Variants in IQCB1 observed in about 807,000 individuals in gnomAD.
IQCB1 encodes IQ motif containing B1.
Under a neutral mutation model 84.4 loss-of-function variants are expected in IQCB1, and 56 were observed. The ratio of observed to expected loss-of-function variants is 0.66; its 90% CI spans 0.54 to 0.83. The LOEUF (loss-of-function observed/expected upper bound fraction) is 0.83, where lower values mean the gene tolerates loss of function less well. Among genes scored for constraint, IQCB1 ranks in the 40% least tolerant of loss-of-function variants. The probability of loss-of-function intolerance (pLI) is 0.00; values close to 1 mark genes in which losing one functional copy is unlikely to be tolerated. For missense variants in IQCB1, 629 were observed against 682.1 expected, an observed-to-expected ratio of 0.92 and a Z score of 0.87; for synonymous variants, 210 against 234.8, an observed-to-expected ratio of 0.89 and a Z score of 0.96.
chr3:121,797,848 C>T (rs1202859835), intron 8 of IQCB1, among the ~76,000 whole-genome samples: 1 of 151,844 alleles, frequency 6.6e-6, no homozygotes, highest in Non-Finnish European at 1.5e-5. Flanking sequence ...TTCCAGGGTA[C>T]ACTGAAATGA....
intron 4 of IQCB1, among the ~76,000 whole-genome samples, chr3:121,826,877 C>A (rs987291138): frequency 6.6e-6 from 1 of 152,058 alleles, no homozygotes; most frequent in Non-Finnish European, 1.5e-5. Flanking sequence ...GAGCCTCAAA[C>A]CCAAGAATGG....
At chr3:121,773,313 T>TTAAA (rs529640582) in intron 13 of IQCB1, among the ~76,000 whole-genome samples, 1 of 104,418 alleles carries the variant, frequency 9.6e-6, no homozygotes, top group African/African-American at 3.7e-5. Context: ...GACTCTGCCT[T>TTAAA]AAAAAAAAAA....
chr3:121,779,619 ATCC>A (rs756408294), intron 13 of IQCB1, among the ~76,000 whole-genome samples: 3 of 152,184 alleles, frequency 2.0e-5, no homozygotes, highest in Non-Finnish European at 4.4e-5. Context: ...TTGACTGAAT[ATCC>A]TCCTCATTAT....
At chr3:121,816,442 C>T (rs1041502371) in intron 5 of IQCB1, among the ~76,000 whole-genome samples, 1 of 152,114 alleles carries the variant, frequency 6.6e-6, no homozygotes, top group African/African-American at 2.4e-5. Context: ...AACTAAAGAG[C>T]TTCTGCATGG....
chr3:121,778,014 C>T (rs1418986051), intron 13 of IQCB1, among the ~76,000 whole-genome samples: 1 of 151,490 alleles, frequency 6.6e-6, no homozygotes, highest in Admixed American at 6.6e-5. Context: ...CTCAAGTGAT[C>T]GCCCCACCTC....
intron 5 of IQCB1, among the ~76,000 whole-genome samples, chr3:121,822,772 C>A (rs750321953): frequency 1.2e-4 from 18 of 152,096 alleles, no homozygotes; most frequent in Non-Finnish European, 2.6e-4. Context: ...TAAACCTCTC[C>A]AAAGAAAGGC....
rs755307288 is a variant in IQCB1 at position 121,790,111 on chromosome 3, C to T, written c.1091G>A (p.Arg364Gln). The T allele has an allele frequency of 1.1e-5, 17 of 1,613,550 alleles. 1 individual carries two copies. The South Asian group carries it at 1.4e-4, about 14-fold the overall frequency. ...TTCGAGCATACTCAGCTGCAATTCTCGGGAAAGTCTCATGGCTCTCTGTCT... is the reference window on the plus strand; with the variant it reads ...TTCGAGCATACTCAGCTGCAATTCTTGGGAAAGTCTCATGGCTCTCTGTCT... The part of the protein sequence containing the change: ...LQRQRAMRLS[R>Q]ELQLSMLEIV... Residue 364 changes from arginine (R) to glutamine (Q), a missense_variant, in exon 11 of 15, where the codon CGA becomes CAA. Coordinates refer to ENST00000310864, the MANE Select transcript of IQCB1 (RefSeq NM_001023570.4).
intron 5 of IQCB1, among the ~76,000 whole-genome samples, chr3:121,809,335 C>A (rs1362507084): frequency 6.6e-6 from 1 of 152,096 alleles, no homozygotes; most frequent in South Asian, 2.1e-4. Flanking sequence ...CATCTATGCA[C>A]AAGCTTTAGT....
intron 14 of IQCB1, among the ~76,000 whole-genome samples, chr3:121,771,590 G>A (rs1947995873): frequency 6.6e-6 from 1 of 152,080 alleles, no homozygotes; most frequent in Non-Finnish European, 1.5e-5. Flanking sequence ...GCCTCCCAAA[G>A]TGCTGGGATT....
chr3:121,784,310 A>G (rs951321054), intron 12 of IQCB1, among the ~76,000 whole-genome samples: 1 of 151,814 alleles, frequency 6.6e-6, no homozygotes, highest in African/African-American at 2.4e-5. Flanking sequence ...CCTTCTGAGT[A>G]GCTGGGATTA....
At chr3:121,814,945 C>G (rs1431105987) in intron 5 of IQCB1, among the ~76,000 whole-genome samples, 1 of 152,044 alleles carries the variant, frequency 6.6e-6, no homozygotes, top group Non-Finnish European at 1.5e-5. Flanking sequence ...AAACCTGTCA[C>G]AGACACCACA....
chr3:121,782,774 G>A (rs1205328075), intron 12 of IQCB1, among the ~76,000 whole-genome samples: 1 of 152,052 alleles, frequency 6.6e-6, no homozygotes, highest in African/African-American at 2.4e-5. Context: ...CACCCCGCCA[G>A]GTTCAAGCAA....
intron 5 of IQCB1, among the ~76,000 whole-genome samples, chr3:121,817,512 C>A (rs978138340): frequency 1.3e-5 from 2 of 151,986 alleles, no homozygotes; most frequent in African/African-American, 2.4e-5. Context: ...TACTATTATA[C>A]CTCTCATTCA....
chr3:121,801,914 T>C (rs1316289860), intron 7 of IQCB1, among the ~76,000 whole-genome samples: 1 of 151,706 alleles, frequency 6.6e-6, no homozygotes, highest in Non-Finnish European at 1.5e-5. Flanking sequence ...TTTCCATTTT[T>C]AGCTTGTTAA....
intron 5 of IQCB1, among the ~76,000 whole-genome samples, chr3:121,811,116 T>C (rs4459935): frequency 1 from 151,569 of 152,198 alleles, 75,475 homozygotes; most frequent in South Asian, 1. Context: ...GGTTAGACAA[T>C]GGGCGCAGCC....
chr3:121,815,467 GTC>G (rs916989167), intron 5 of IQCB1, among the ~76,000 whole-genome samples: 127 of 152,292 alleles, frequency 8.3e-4, no homozygotes, highest in African/African-American at 3.0e-3. Context: ...AAGTCAAATT[GTC>G]TCTGATTGCA....
intron 13 of IQCB1, among the ~76,000 whole-genome samples, chr3:121,778,464 A>T (rs546352393): frequency 1.3e-5 from 2 of 152,198 alleles, no homozygotes; most frequent in Non-Finnish European, 2.9e-5. Context: ...AACTTTAAGG[A>T]TTTAACATTT....
At chr3:121,802,450 A>G (rs1949441278) in intron 7 of IQCB1, among the ~76,000 whole-genome samples, 1 of 152,042 alleles carries the variant, frequency 6.6e-6, no homozygotes, top group South Asian at 2.1e-4. Context: ...CCCTTGTGAT[A>G]TTTTTAGTAT....
chr3:121,788,075 T>C (rs1948808060), intron 12 of IQCB1, among the ~76,000 whole-genome samples: 1 of 152,196 alleles, frequency 6.6e-6, no homozygotes, highest in Admixed American at 6.5e-5. Context: ...TAGTAAATGA[T>C]GTACAAGGTT....
Sources: gnomAD v4.1 joint callset for allele counts (sites outside exome capture counted in the v4.1 genomes callset) on GRCh38, gnomAD v4.1.1 for gene constraint, MANE v1.5 for transcripts, NCBI Gene and HGNC (gene_info 2026-07-23, HGNC 2026-07-21) for gene names.